The following YES1 variants were observed in gnomAD, a reference collection of about 807,000 sequenced individuals.
The protein encoded by YES1 is tyrosine-protein kinase Yes.
YES1 carries 39 observed loss-of-function variants against 70.4 expected under a neutral mutation model. The ratio of observed to expected loss-of-function variants is 0.55; its 90% CI spans 0.43 to 0.72. The LOEUF (loss-of-function observed/expected upper bound fraction) is 0.72, where lower values mean the gene tolerates loss of function less well. Ranked by LOEUF, YES1 falls within the 30% of genes least tolerant of loss-of-function variation. The pLI is 0.00. For synonymous variants in YES1, 198 were observed against 218.6 expected (o/e 0.91, Z 0.83); for missense variants, 495 against 644.8 (o/e 0.77, Z 2.52).
At chr18:810,842 A>T (rs570964382) in intron 1 of YES1, among the ~76,000 whole-genome samples, 44 of 152,314 alleles carry the variant, frequency 2.9e-4, no homozygotes, top group Admixed American at 1.4e-3. Flanking sequence ...CTTACTGTAC[A>T]ATATATGAAC....
chr18:770,899 A>G (rs1273643071), intron 1 of YES1, among the ~76,000 whole-genome samples: 3 of 151,988 alleles, frequency 2.0e-5, no homozygotes, highest in East Asian at 1.9e-4. Flanking sequence ...TAATCCCAAC[A>G]CTTTGGAAGG....
At chr18:728,105 G>A (rs1406347837) in intron 11 of YES1, among the ~76,000 whole-genome samples, 2 of 152,154 alleles carry the variant, frequency 1.3e-5, no homozygotes, top group Admixed American at 6.5e-5. Flanking sequence ...GGAGGACAGG[G>A]CAGGCAAATC....
intron 10 of YES1, among the ~76,000 whole-genome samples, chr18:734,404 A>AT (rs199633079): frequency 0.12 from 18,020 of 150,790 alleles, 1,202 homozygotes; most frequent in East Asian, 0.27. Flanking sequence ...AATACAAAAA[A>AT]AAAAATTAGC....
intron 1 of YES1, among the ~76,000 whole-genome samples, chr18:765,248 C>CTA (rs71174288): frequency 0.032 from 2,909 of 90,130 alleles, 92 homozygotes; most frequent in Non-Finnish European, 0.04. Context: ...AGAGTTACAA[C>CTA]TATATATATA....
rs140451392 is a variant in YES1, at chr18:730,485, T to C, written c.1423+2349A>G. On this transcript the variant is annotated intron_variant, in intron 11 of 11. Coordinates refer to ENST00000314574, the MANE Select transcript of YES1 (RefSeq NM_005433.4). The stretch of plus-strand genomic sequence containing the variant: ...TTAGCCTCCCAAAGTGCTGGGATTA[T>C]AGGAGTGAGTCACCACGCCCAACTG... 7.4e-3 allele frequency among the ~76,000 whole-genome samples: 1,132 copies of C among 151,982 alleles called. 11 individuals are homozygous for C. The highest frequency in any genetic ancestry group is 0.026 in the African/African-American group (1,080 of 41,452).
intron 1 of YES1, among the ~76,000 whole-genome samples, chr18:811,177 G>A (rs755521077): frequency 1.1e-4 from 16 of 152,128 alleles, no homozygotes; most frequent in Admixed American, 2.6e-4. Flanking sequence ...ACACACACCC[G>A]TGGAACGTAT....
chr18:804,389 C>T (rs547709094), intron 1 of YES1, among the ~76,000 whole-genome samples: 1 of 152,196 alleles, frequency 6.6e-6, no homozygotes, highest in East Asian at 1.9e-4. Flanking sequence ...AGGCAGATCA[C>T]CTGAGGTCAG....
chr18:791,995 A>G (rs982989910), intron 1 of YES1, among the ~76,000 whole-genome samples: 1 of 152,208 alleles, frequency 6.6e-6, no homozygotes, highest in African/African-American at 2.4e-5. Flanking sequence ...AATTTGGACT[A>G]GCCACATTTC....
At chr18:801,880 A>C (rs1906842131) in intron 1 of YES1, among the ~76,000 whole-genome samples, 1 of 152,216 alleles carries the variant, frequency 6.6e-6, no homozygotes, top group South Asian at 2.1e-4. Context: ...ATGCTCTGTT[A>C]ATCTGGCGGA....
chr18:727,821 G>A (rs1006547074), intron 11 of YES1, among the ~76,000 whole-genome samples: 1 of 152,044 alleles, frequency 6.6e-6, no homozygotes, highest in African/African-American at 2.4e-5. Context: ...TTTCCCCAAA[G>A]CACTTTAAAG....
intron 1 of YES1, among the ~76,000 whole-genome samples, chr18:769,682 T>G (rs1905070837): frequency 6.6e-6 from 1 of 151,816 alleles, no homozygotes; most frequent in African/African-American, 2.4e-5. Flanking sequence ...CATATAGGTT[T>G]TTTTCCTTTA....
intron 1 of YES1, among the ~76,000 whole-genome samples, chr18:759,996 G>A (rs1904502464): frequency 6.6e-6 from 1 of 151,940 alleles, no homozygotes; most frequent in Non-Finnish European, 1.5e-5. Context: ...TGCTCAGAAT[G>A]ATGCCTTCCA....
In YES1 at chr18:745,985, T is replaced by A; in HGVS notation, c.537A>T (p.Arg179=). Residue 179 remains arginine, a synonymous_variant, in exon 5 of 12, where the codon CGA becomes CGT. Transcript: ENST00000314574. ...CACTCTCTCTTACTAAGAAAATACC[T>A]CGTTGATTTCCAGGATTCAAAAGTA... The part of the protein sequence containing the change: ...ERLLLNPGNQ[R]GIFLVRESET... 1 of 1,613,184 alleles carries A rather than the reference T, an allele frequency of 6.2e-7. No homozygotes were observed. Among genetic ancestry groups the A allele is most frequent in the Non-Finnish European group, 8.5e-7 (1 of 1,179,620 alleles).
intron 1 of YES1, among the ~76,000 whole-genome samples, chr18:796,976 GACAAA>G (rs1250557701): frequency 1.3e-5 from 2 of 151,922 alleles, no homozygotes; most frequent in African/African-American, 2.4e-5. Flanking sequence ...TGACTTGTAA[GACAAA>G]ACAAAACAAA....
chr18:794,505 T>C (rs1377379591), intron 1 of YES1, among the ~76,000 whole-genome samples: 1 of 152,206 alleles, frequency 6.6e-6, no homozygotes, highest in African/African-American at 2.4e-5. Flanking sequence ...ATATATGAAC[T>C]ACTGTATTAC....
chr18:795,945 A>ACACACACACACAC (rs61607425), intron 1 of YES1, among the ~76,000 whole-genome samples: 2 of 151,824 alleles, frequency 1.3e-5, no homozygotes, highest in African/African-American at 4.8e-5. Context: ...ACACACACAC[A>ACACACACACACAC]TAAGACCTAT....
chr18:766,815 C>T (rs925991296), intron 1 of YES1, among the ~76,000 whole-genome samples: 5 of 152,038 alleles, frequency 3.3e-5, no homozygotes, highest in African/African-American at 1.2e-4. Flanking sequence ...GTTCTGGAAA[C>T]AAGAATATTT....
rs71174293 is a variant in YES1 at position 810,009 on chromosome 18, G to GTT, written c.-9+2103_-9+2104dup. 2.7e-3 allele frequency among the ~76,000 whole-genome samples: 378 copies of GTT among 142,052 alleles called. 3 individuals are homozygous for GTT. Among genetic ancestry groups the GTT allele is most frequent in the African/African-American group, 8.6e-3 (336 of 38,942 alleles). 93.2% of individuals were successfully genotyped at this position (142,052 alleles called of 152,430 possible). A position where few individuals can be genotyped will look rare whatever the true frequency, so the allele number is the denominator to read the frequency against. On this transcript the variant is annotated intron_variant, in intron 1 of 11. Transcript: ENST00000314574. ...TTACGTTCACAGAATTTCCTTGCAG[G>GTT]TTTTTTTTTTTTTTTAATTACCCAA...
chr18:756,609 A>C lies in YES1; in HGVS notation c.219T>G (p.Gly73=). ...GCACCACTGAAAATGAGGAAGATGC[A>C]CCTCCAAAAGGCGTTACCCCTGAGG... ...GGSSGVTPFG[G]ASSSFSVVPS... The change falls in exon 2 of 12, where the codon GGT becomes GGG. Residue 73 remains glycine, a synonymous_variant. Transcript: ENST00000314574. 6.2e-7 allele frequency: 1 copy of C among 1,614,152 alleles called. No individual in the cohort carries two copies. Among genetic ancestry groups the C allele is most frequent in the Non-Finnish European group, 8.5e-7 (1 of 1,180,034 alleles).
Sources: gnomAD v4.1 joint callset for allele counts (sites outside exome capture counted in the v4.1 genomes callset) on GRCh38, gnomAD v4.1.1 for gene constraint, MANE v1.5 for transcripts, NCBI Gene and HGNC (gene_info 2026-07-23, HGNC 2026-07-21) for gene names.